The following PAK3 variants were observed in gnomAD, a reference collection of about 807,000 sequenced individuals.
The protein encoded by PAK3 is serine/threonine-protein kinase PAK 3.
PAK3 carries 4 observed loss-of-function variants against 41.0 expected under a neutral mutation model. The observed-to-expected ratio is 0.10, with a 90% CI of 0.05 to 0.22. The LOEUF (loss-of-function observed/expected upper bound fraction) is 0.22. Among genes scored for constraint, PAK3 ranks in the 10% least tolerant of loss-of-function variants. PAK3 has a pLI of 1.00. For missense variants in PAK3, 205 were observed against 409.9 expected, an observed-to-expected ratio of 0.50 and a Z score of 4.32; for synonymous variants, 146 against 139.6, an observed-to-expected ratio of 1.05 and a Z score of -0.32.
chrX:111,021,232 A>T (rs2092175443), intron 1 of PAK3, among the ~76,000 whole-genome samples: 1 of 112,144 alleles, frequency 8.9e-6, no homozygotes. Context: ...GCCAACCAAC[A>T]CAAAACCAGC....
intron 1 of PAK3, among the ~76,000 whole-genome samples, chrX:111,069,930 G>A (rs2092729346): frequency 9.0e-6 from 1 of 111,154 alleles, no homozygotes; most frequent in Non-Finnish European, 1.9e-5. Flanking sequence ...TTTCTCTTCT[G>A]TATCACTAAT....
intron 1 of PAK3, among the ~76,000 whole-genome samples, chrX:111,057,005 T>C (rs1410372068): frequency 8.9e-6 from 1 of 111,967 alleles, no homozygotes; most frequent in African/African-American, 3.2e-5. Flanking sequence ...TCCTCAATCC[T>C]TTGCATGCAT....
At chrX:111,099,066 T>A (rs2093069347) in intron 3 of PAK3, among the ~76,000 whole-genome samples, 1 of 111,795 alleles carries the variant, frequency 8.9e-6, no homozygotes, top group Non-Finnish European at 1.9e-5. Context: ...ATTTCAGGTG[T>A]GATGCTTCAG....
At chrX:110,996,806 G>A (rs1198505715) in intron 1 of PAK3, among the ~76,000 whole-genome samples, 1 of 112,087 alleles carries the variant, frequency 8.9e-6, no homozygotes, top group African/African-American at 3.2e-5. Flanking sequence ...CTCCAGAACT[G>A]TCAGGGATAA....
At chrX:111,102,048 G>A (rs938345241) in intron 3 of PAK3, among the ~76,000 whole-genome samples, 18 of 111,995 alleles carry the variant, frequency 1.6e-4, no homozygotes, top group African/African-American at 5.5e-4. Flanking sequence ...TAATAAATAG[G>A]TGCTAGCCTG....
chrX:111,023,942 T>C (rs2092231093), intron 1 of PAK3, among the ~76,000 whole-genome samples: 1 of 111,959 alleles, frequency 8.9e-6, no homozygotes. Flanking sequence ...TGTTGCTTTT[T>C]GTGTTTTACT....
At chrX:111,075,928 C>G (rs774682623) in intron 1 of PAK3, among the ~76,000 whole-genome samples, 25 of 112,782 alleles carry the variant, frequency 2.2e-4, no homozygotes, top group Non-Finnish European at 4.5e-4. Context: ...TATTTTGGAG[C>G]TTTAAGATTT....
intron 1 of PAK3, among the ~76,000 whole-genome samples, chrX:111,019,911 A>G (rs551471317): frequency 9.0e-6 from 1 of 111,054 alleles, no homozygotes; most frequent in Non-Finnish European, 1.9e-5. Context: ...AACACACAAA[A>G]AATAACAAGT....
At chrX:111,147,983 C>G (rs137951197) in intron 7 of PAK3, 93 bp downstream of exon 7, 3 of 746,180 alleles carry the variant, frequency 4.0e-6, no homozygotes, top group Non-Finnish European at 6.2e-6. Flanking sequence ...CATTTGAAAT[C>G]GATTCTAGTA....
At position 111,189,140 on chromosome X, in the gene PAK3, GTT is replaced by G. The variant is rs754261004; in HGVS notation, c.831-2985_831-2984del. Among the ~76,000 whole-genome samples the G allele has an allele frequency of 2.7e-5, 3 of 111,330 alleles. No individual in the cohort carries two copies. The Admixed American group carries it at 2.9e-4, about 11-fold the overall frequency. ...AGCTTTATGTTCATGCGTACCCAATGTTTAGCTCCAGCTTAGAAGTGAGAACA... is the reference window on the plus strand; with the variant it reads ...AGCTTTATGTTCATGCGTACCCAATGTAGCTCCAGCTTAGAAGTGAGAACA... On this transcript the variant is annotated intron_variant, in intron 11 of 17. Coordinates refer to ENST00000372007, the MANE Select transcript of PAK3 (RefSeq NM_002578.5).
intron 1 of PAK3, among the ~76,000 whole-genome samples, chrX:111,087,399 C>T (rs180797261): frequency 6.5e-4 from 61 of 93,881 alleles, no homozygotes; most frequent in African/African-American, 2.2e-3. Flanking sequence ...AGAACATTGA[C>T]TGTAAGAAGT....
intron 1 of PAK3, among the ~76,000 whole-genome samples, chrX:110,971,073 GT>G (rs1326291248): frequency 8.9e-6 from 1 of 112,265 alleles, no homozygotes; most frequent in Non-Finnish European, 1.9e-5. Context: ...TTTAGCTTTA[GT>G]TTTTAAAAAT....
chrX:111,086,713 A>G lies in PAK3; in HGVS notation c.-27-36364A>G, dbSNP rs1043637927. On this transcript the variant is annotated intron_variant, in intron 1 of 14. Coordinates refer to the PAK3 transcript ENST00000425146. ...TTTTGTTAGCAGGGGTTTGTGGGGG[A>G]TGGCACCATAGCGAACACAGTTAAG... is the stretch of plus-strand genomic sequence containing the variant. Among the ~76,000 whole-genome samples the G allele has an allele frequency of 2.3e-4, 26 of 111,472 alleles. No homozygotes were observed. In the Admixed American group the frequency reaches 2.5e-3, roughly 11 times the overall value.
chrX:111,022,478 T>C (rs2092201046), intron 1 of PAK3, among the ~76,000 whole-genome samples: 1 of 111,674 alleles, frequency 9.0e-6, no homozygotes, highest in Non-Finnish European at 1.9e-5. Flanking sequence ...AAACAAATGC[T>C]AAGAGAATTC....
intron 17 of PAK3, chrX:111,217,001 C>T (rs908370251): frequency 5.3e-6 from 4 of 748,830 alleles, no homozygotes; most frequent in Middle Eastern, 7.6e-4. Flanking sequence ...TTGGCAGGCA[C>T]CTGCTTGCCT....
At chrX:110,986,756 CGTGTGT>C (rs758904251) in intron 1 of PAK3, among the ~76,000 whole-genome samples, 5 of 104,395 alleles carry the variant, frequency 4.8e-5, no homozygotes, top group Admixed American at 1.0e-4. Context: ...CAAGTGTACG[CGTGTGT>C]GTGTGTGTGT....
intron 1 of PAK3, among the ~76,000 whole-genome samples, chrX:111,078,273 T>TG (rs2092804573): frequency 9.3e-6 from 1 of 107,672 alleles, no homozygotes; most frequent in African/African-American, 3.4e-5. Context: ...TTTGTTTTGT[T>TG]TTTTTTTTTT....
chrX:111,146,556 G>A, intron 6 of PAK3: 12 of 1,131,088 alleles, frequency 1.1e-5, no homozygotes, highest in Non-Finnish European at 1.4e-5. Context: ...GCCCAGGGAA[G>A]CTCCCAGAGG....
At chrX:111,093,779 A>G (rs1171330063), upstream of PAK3, among the ~76,000 whole-genome samples, 1 of 112,056 alleles carries the variant, frequency 8.9e-6, no homozygotes, top group Non-Finnish European at 1.9e-5. Context: ...TTAAATAACC[A>G]TGTGTGGTGA....
Sources: gnomAD v4.1 joint callset for allele counts (sites outside exome capture counted in the v4.1 genomes callset) on GRCh38, gnomAD v4.1.1 for gene constraint, MANE v1.5 for transcripts, NCBI Gene and HGNC (gene_info 2026-07-23, HGNC 2026-07-21) for gene names.